The following COL4A6 variants were observed in gnomAD, a reference collection of about 807,000 sequenced individuals.
The protein encoded by COL4A6 is collagen type IV alpha 6 chain.
A neutral mutation model predicts 126.7 loss-of-function variants in COL4A6; 59 were observed. The observed-to-expected ratio is 0.47, with a 90% CI of 0.38 to 0.58. The LOEUF is 0.58. COL4A6 is among the 20% of genes least tolerant of loss of function. COL4A6 has a pLI of 0.00. For synonymous variants in COL4A6, 547 were observed against 496.6 expected, an observed-to-expected ratio of 1.10 and a Z score of -1.35; for missense variants, 1,285 against 1,337.3, an observed-to-expected ratio of 0.96 and a Z score of 0.61.
chrX:108,238,034 A>ATATC (rs59088315), intron 3 of COL4A6, among the ~76,000 whole-genome samples: 4,986 of 86,433 alleles, frequency 0.058, 189 homozygotes, highest in African/African-American at 0.1. Context: ...TCACCTCTCT[A>ATATC]TATCTATCTA....
Position 108,157,271 on chromosome X carries a change from CAGG to C in COL4A6, c.4813-14_4813-12del, listed in dbSNP as rs756918745. 64 of 1,205,781 alleles carry C rather than the reference CAGG, an allele frequency of 5.3e-5. 1 individual carries two copies. The highest frequency in any genetic ancestry group is 5.5e-5 in the Non-Finnish European group (49 of 892,229). ...ACCAGCGGCAGTGTGCTGAAACAGA[CAGG>C]AGATTAGTGCATGAGCTGTGCCTGC... On this transcript the variant is annotated splice_polypyrimidine_tract_variant and intron_variant, in intron 44 of 44. Transcript: ENST00000334504.
chrX:108,163,091 CG>C, intron 40 of COL4A6, 53 bp from the exon 41 acceptor site: 3 of 1,131,186 alleles, frequency 2.7e-6, no homozygotes, highest in Non-Finnish European at 2.4e-6. Context: ...AGGGAGGTGA[CG>C]GGGGCCCCAG....
chrX:108,420,634 A>G (rs766476537), intron 2 of COL4A6, among the ~76,000 whole-genome samples: 35 of 112,000 alleles, frequency 3.1e-4, no homozygotes, highest in African/African-American at 1.1e-3. Flanking sequence ...AATATGAACA[A>G]AAGTATGTCA....
chrX:108,427,003 T>C (rs2064097963), intron 2 of COL4A6, among the ~76,000 whole-genome samples: 1 of 112,068 alleles, frequency 8.9e-6, no homozygotes, highest in African/African-American at 3.2e-5. Context: ...TTGATAAATG[T>C]GGAAGGACCA....
intron 2 of COL4A6, among the ~76,000 whole-genome samples, chrX:108,413,470 A>T (rs1446527120): frequency 9.1e-6 from 1 of 109,837 alleles, no homozygotes; most frequent in Non-Finnish European, 1.9e-5. Flanking sequence ...TATTATTATT[A>T]TTTTTTCTGA....
intron 3 of COL4A6, among the ~76,000 whole-genome samples, chrX:108,277,824 C>T (rs188453862): frequency 8.0e-5 from 9 of 111,816 alleles, no homozygotes; most frequent in South Asian, 7.6e-4. Flanking sequence ...CAGCAGCATT[C>T]GCGGTTCACG....
At chrX:108,180,989 G>A (rs759875038) in intron 23 of COL4A6, 21 bp from the exon 24 acceptor site, 2 of 1,167,285 alleles carry the variant, frequency 1.7e-6, no homozygotes, top group African/African-American at 3.5e-5. Flanking sequence ...TAACATGTGT[G>A]CATTCAGTGA....
At chrX:108,432,305 ATTGTC>A (rs2064187150) in intron 2 of COL4A6, among the ~76,000 whole-genome samples, 1 of 112,305 alleles carries the variant, frequency 8.9e-6, no homozygotes, top group Admixed American at 9.4e-5. Context: ...GTATGTTATT[ATTGTC>A]TATTTTATTA....
chrX:108,288,600 T>C lies in COL4A6; in HGVS notation c.144+22148A>G, dbSNP rs147969374. Among the ~76,000 whole-genome samples, 520 of 111,405 alleles carry C rather than the reference T, an allele frequency of 4.7e-3. 3 individuals are homozygous for C. Among genetic ancestry groups the C allele is most frequent in the African/African-American group, 0.016 (489 of 30,678 alleles). ...ATAAGGTCCCTTGTCATGTGAATAG[T>C]TCATGAATTTGGCTAAGAAGCTTAG... is the stretch of plus-strand genomic sequence containing the variant. On this transcript the variant is annotated intron_variant, in intron 3 of 44. Transcript: ENST00000334504.
At chrX:108,160,388 G>A (rs1014929615) in intron 43 of COL4A6, 75 bp downstream of exon 43, 2 of 1,004,757 alleles carry the variant, frequency 2.0e-6, no homozygotes, top group Admixed American at 5.6e-5. Flanking sequence ...AGAAAGGGCT[G>A]GGAGAAGAGA....
chrX:108,281,625 C>T (rs1451960692), intron 3 of COL4A6, among the ~76,000 whole-genome samples: 2 of 111,668 alleles, frequency 1.8e-5, no homozygotes, highest in East Asian at 5.6e-4. Context: ...CGACTTTCTT[C>T]ACAGAATTGG....
At chrX:108,286,084 T>C (rs1422745075) in intron 3 of COL4A6, among the ~76,000 whole-genome samples, 1 of 111,722 alleles carries the variant, frequency 9.0e-6, no homozygotes, top group Non-Finnish European at 1.9e-5. Flanking sequence ...ATAGGCTGGG[T>C]GACCCTGGTT....
At chrX:108,284,611 C>A (rs930529225) in intron 3 of COL4A6, among the ~76,000 whole-genome samples, 4 of 112,158 alleles carry the variant, frequency 3.6e-5, no homozygotes, top group South Asian at 3.7e-4. Flanking sequence ...GATCCAGACA[C>A]TTTACAGATC....
At chrX:108,238,752 G>A (rs1419266985) in intron 3 of COL4A6, among the ~76,000 whole-genome samples, 1 of 110,055 alleles carries the variant, frequency 9.1e-6, no homozygotes, top group Non-Finnish European at 1.9e-5. Context: ...GGAATACATG[G>A]TTAATACCAA....
chrX:108,197,047 T>A (rs891755708), intron 13 of COL4A6, among the ~76,000 whole-genome samples: 1 of 112,065 alleles, frequency 8.9e-6, no homozygotes, highest in Non-Finnish European at 1.9e-5. Flanking sequence ...TGGGGGTTGA[T>A]ACTAGGGGGA....
At chrX:108,233,954 T>C (rs1182510316) in intron 3 of COL4A6, among the ~76,000 whole-genome samples, 1 of 112,075 alleles carries the variant, frequency 8.9e-6, no homozygotes, top group Non-Finnish European at 1.9e-5. Flanking sequence ...CTTTCCATCA[T>C]GGACAGTTGG....
chrX:108,185,475 A>G (rs751976974), intron 23 of COL4A6, among the ~76,000 whole-genome samples: 1 of 111,569 alleles, frequency 9.0e-6, no homozygotes, highest in South Asian at 3.8e-4. Context: ...AGAATCTTGA[A>G]TTATCAAGTT....
At chrX:108,293,561 A>G (rs1195578789) in intron 3 of COL4A6, among the ~76,000 whole-genome samples, 1 of 110,970 alleles carries the variant, frequency 9.0e-6, no homozygotes, top group African/African-American at 3.3e-5. Context: ...ACTCTAAAAT[A>G]GCCCATGGGT....
intron 3 of COL4A6, among the ~76,000 whole-genome samples, chrX:108,244,546 A>G (rs1365810260): frequency 9.0e-6 from 1 of 111,681 alleles, no homozygotes; most frequent in African/African-American, 3.3e-5. Flanking sequence ...GCCCCTCATC[A>G]TGGAACTTTC....
Sources: gnomAD v4.1 joint callset for allele counts (sites outside exome capture counted in the v4.1 genomes callset) on GRCh38, gnomAD v4.1.1 for gene constraint, MANE v1.5 for transcripts, NCBI Gene and HGNC (gene_info 2026-07-23, HGNC 2026-07-21) for gene names.